GALK2: variants seen among roughly 807,000 people sequenced by gnomAD.
The protein encoded by GALK2 is N-acetylgalactosamine kinase.
Under a neutral mutation model 52.4 loss-of-function variants are expected in GALK2, and 36 were observed. That is an observed-to-expected ratio of 0.69 (90% CI 0.53 to 0.91). The LOEUF is 0.91. Ranked by LOEUF, GALK2 falls within the 40% of genes least tolerant of loss-of-function variation. GALK2 has a pLI of 0.00. For missense variants in GALK2, 579 were observed against 559.1 expected, an observed-to-expected ratio of 1.04 and a Z score of -0.36; for synonymous variants, 176 against 199.1, an observed-to-expected ratio of 0.88 and a Z score of 0.98.
At chr15:49,260,115 G>C (rs1025199622) in intron 5 of GALK2, among the ~76,000 whole-genome samples, 25 of 152,072 alleles carry the variant, frequency 1.6e-4, no homozygotes, top group African/African-American at 2.4e-4. Flanking sequence ...ATGGCTGGGT[G>C]AAATGGTATT....
In GALK2 at chr15:49,200,463, G is replaced by C. The variant is rs1041481903; in HGVS notation, c.54-699G>C. ...AAATGTAATGAATTAAGATGAGGTC[G>C]TACTCAATTAGAGTGGATGGACTTT... is the stretch of plus-strand genomic sequence containing the variant. On this transcript the variant is annotated intron_variant, in intron 1 of 9. Coordinates refer to ENST00000560031, the MANE Select transcript of GALK2 (RefSeq NM_002044.4). 7.2e-5 allele frequency among the ~76,000 whole-genome samples: 11 copies of C among 152,278 alleles called. No individual in the cohort carries two copies. The East Asian group carries it at 2.1e-3, about 29-fold the overall frequency.
chr15:49,329,806 T>TAAAAAAAAA lies in GALK2; in HGVS notation c.*1656_*1664dup, dbSNP rs558009170. 1 of 688,248 alleles carries TAAAAAAAAA rather than the reference T, an allele frequency of 1.5e-6. No homozygotes were observed. The highest frequency in any genetic ancestry group is 1.8e-6 in the Non-Finnish European group (1 of 571,248). 42.6% of individuals were successfully genotyped at this position (688,248 alleles called of 1,614,324 possible). ...TTCTTTAAAGATACCTGGATCAGTG[T>TAAAAAAAAA]AAAAAAAAAAAAAAAAAGGCACCTG... On this transcript the variant is annotated 3_prime_UTR_variant, in exon 10 of 10. Coordinates refer to ENST00000560031, the MANE Select transcript of GALK2 (RefSeq NM_002044.4).
chr15:49,286,019 C>T lies in GALK2; in HGVS notation c.756+2301C>T, dbSNP rs931369934. On this transcript the variant is annotated intron_variant, in intron 7 of 9. Transcript: ENST00000560031. ...TCAGAGACTTTGCACCTGCCCAGGA[C>T]ATTCTTCCTTCAGCCCTCTTTGAAG... Among the ~76,000 whole-genome samples, 3 of 152,284 alleles carry T rather than the reference C, an allele frequency of 2.0e-5. No individual in the cohort carries two copies. The South Asian group carries it at 6.2e-4, about 32-fold the overall frequency.
chr15:49,286,340 T>A (rs571517627), intron 7 of GALK2, among the ~76,000 whole-genome samples: 1 of 152,302 alleles, frequency 6.6e-6, no homozygotes, highest in South Asian at 2.1e-4. Context: ...GCTCTGTAGT[T>A]TATTTTGCAC....
chr15:49,217,904 G>A (rs1042043507), intron 3 of GALK2, among the ~76,000 whole-genome samples: 29 of 152,092 alleles, frequency 1.9e-4, no homozygotes, highest in Non-Finnish European at 2.9e-4. Context: ...TTACTAATGG[G>A]TATTGAATTT....
chr15:49,189,075 C>T (rs1475756954), intron 1 of GALK2, among the ~76,000 whole-genome samples: 1 of 152,158 alleles, frequency 6.6e-6, no homozygotes, highest in Admixed American at 6.6e-5. Context: ...CATGTATCCC[C>T]TGCTTTTTTA....
chr15:49,365,261 A>C, intron 3 of GALK2: 1 of 1,249,354 alleles, frequency 8.0e-7, no homozygotes. Context: ...AACTGAGGCA[A>C]TAATAAGTGT....
At chr15:49,321,805 T>C (rs1218508249) in intron 9 of GALK2, among the ~76,000 whole-genome samples, 2 of 152,244 alleles carry the variant, frequency 1.3e-5, no homozygotes, top group African/African-American at 4.8e-5. Flanking sequence ...TACGTGTGTG[T>C]ACGTGTGTGT....
chr15:49,240,906 A>G (rs2141511003), intron 5 of GALK2, among the ~76,000 whole-genome samples: 1 of 152,280 alleles, frequency 6.6e-6, no homozygotes, highest in Admixed American at 6.5e-5. Context: ...GCTATATTAC[A>G]AAGTCTGCAT....
At chr15:49,190,392 A>G (rs746406838) in intron 1 of GALK2, among the ~76,000 whole-genome samples, 3 of 152,112 alleles carry the variant, frequency 2.0e-5, no homozygotes, top group African/African-American at 4.8e-5. Context: ...TTCTAAATGC[A>G]TATTGGCCAT....
upstream of GALK2, among the ~76,000 whole-genome samples, chr15:49,169,340 C>CA (rs2084932545): frequency 6.6e-6 from 1 of 151,858 alleles, no homozygotes. Context: ...TTCTGAGGTG[C>CA]AAAGTGCACT....
intron 3 of GALK2, among the ~76,000 whole-genome samples, chr15:49,340,403 G>GCCCCCCCCCCCCCCC (rs373386438): frequency 2.1e-5 from 2 of 94,378 alleles, no homozygotes; most frequent in Non-Finnish European, 2.2e-5. Flanking sequence ...GCAGTGCCCC[G>GCCCCCCCCCCCCCCC]CCCCCCCCCT....
rs188093719 is a variant in GALK2, at chr15:49,179,064, A to G, written c.53+8689A>G. 7.9e-5 allele frequency among the ~76,000 whole-genome samples: 12 copies of G among 152,036 alleles called. No homozygotes were observed. The East Asian group carries it at 2.1e-3, about 27-fold the overall frequency. On this transcript the variant is annotated intron_variant, in intron 1 of 9. Coordinates refer to ENST00000560031, the MANE Select transcript of GALK2 (RefSeq NM_002044.4). Reference sequence around the variant, plus strand: ...CTAATATAATTTTAATTTTGTTTTTATGTTTAATTTTTGATCTTGGAGAAA... The same window carrying G: ...CTAATATAATTTTAATTTTGTTTTTGTGTTTAATTTTTGATCTTGGAGAAA...
At chr15:49,262,777 CTCGTTGGTT>C (rs1438496935) in intron 5 of GALK2, among the ~76,000 whole-genome samples, 6 of 147,396 alleles carry the variant, frequency 4.1e-5, no homozygotes, top group African/African-American at 1.5e-4. Flanking sequence ...TGTCTTTGTT[CTCGTTGGTT>C]TCAAAGAACA....
At chr15:49,313,907 A>T (rs1228148544) in intron 8 of GALK2, among the ~76,000 whole-genome samples, 1 of 151,984 alleles carries the variant, frequency 6.6e-6, no homozygotes. Flanking sequence ...AGATGAGGTA[A>T]TAAAGAAGAG....
At chr15:49,345,876 G>C (rs2041401272) in intron 3 of GALK2, among the ~76,000 whole-genome samples, 1 of 152,242 alleles carries the variant, frequency 6.6e-6, no homozygotes, top group Non-Finnish European at 1.5e-5. Context: ...GAAGCTTCTA[G>C]AAGTGAAGTA....
intron 5 of GALK2, among the ~76,000 whole-genome samples, chr15:49,248,596 G>A (rs1159839038): frequency 1.3e-5 from 2 of 152,180 alleles, no homozygotes; most frequent in Non-Finnish European, 2.9e-5. Context: ...TAAGTTTTAG[G>A]TTAATAATGT....
At chr15:49,172,720 T>C (rs1002313774) in intron 1 of GALK2, among the ~76,000 whole-genome samples, 1 of 152,134 alleles carries the variant, frequency 6.6e-6, no homozygotes, top group Non-Finnish European at 1.5e-5. Context: ...CAAATAGAAA[T>C]TGAAGTTCTA....
chr15:49,333,180 C>G (rs1466231823), downstream of GALK2, among the ~76,000 whole-genome samples: 1 of 152,096 alleles, frequency 6.6e-6, no homozygotes, highest in Non-Finnish European at 1.5e-5. Flanking sequence ...ATGTTACATA[C>G]CATAAAATTG....
Sources: gnomAD v4.1 joint callset for allele counts (sites outside exome capture counted in the v4.1 genomes callset) on GRCh38, gnomAD v4.1.1 for gene constraint, MANE v1.5 for transcripts, NCBI Gene and HGNC (gene_info 2026-07-23, HGNC 2026-07-21) for gene names.